ENOX1: variants seen among roughly 807,000 people sequenced by gnomAD.
ENOX1 encodes ecto-NOX disulfide-thiol exchanger 1.
In ENOX1, 42 loss-of-function variants were observed where a neutral mutation model predicts 82.5. The ratio of observed to expected loss-of-function variants is 0.51; its 90% CI spans 0.40 to 0.66. ENOX1 has a LOEUF of 0.66. Among genes scored for constraint, ENOX1 ranks in the 30% least tolerant of loss-of-function variants. ENOX1 has a pLI of 0.00. For missense variants in ENOX1, 608 were observed against 811.6 expected (o/e 0.75, Z 3.05); for synonymous variants, 271 against 282.2 (o/e 0.96, Z 0.40).
chr13:43,590,365 T>C (rs184607517), intron 2 of ENOX1, among the ~76,000 whole-genome samples: 23 of 151,820 alleles, frequency 1.5e-4, no homozygotes, highest in Admixed American at 1.5e-3. Flanking sequence ...TGATCGAAAA[T>C]GAGAAGGAAC....
At chr13:43,230,343 G>GAGC (rs2042223936) in intron 15 of ENOX1, among the ~76,000 whole-genome samples, 1 of 152,120 alleles carries the variant, frequency 6.6e-6, no homozygotes, top group Admixed American at 6.5e-5. Flanking sequence ...TGGTGACTGT[G>GAGC]AGCATAGTGC....
chr13:43,229,665 G>T (rs1035204616), intron 15 of ENOX1, among the ~76,000 whole-genome samples: 3 of 152,214 alleles, frequency 2.0e-5, no homozygotes, highest in African/African-American at 7.2e-5. Context: ...AGCAGAGGGG[G>T]AACTGGGAGG....
chr13:43,470,417 T>TATATAA (rs1189017192), intron 3 of ENOX1, among the ~76,000 whole-genome samples: 1 of 132,150 alleles, frequency 7.6e-6, no homozygotes, highest in African/African-American at 2.8e-5. Flanking sequence ...TATATATATA[T>TATATAA]AACAGAGATA....
At chr13:43,728,849 G>A (rs990030674) in intron 1 of ENOX1, among the ~76,000 whole-genome samples, 21 of 152,106 alleles carry the variant, frequency 1.4e-4, no homozygotes, top group Non-Finnish European at 1.9e-4. Flanking sequence ...TCAACCATGC[G>A]TATTTGTGAA....
At chr13:43,301,541 C>T (rs1367499417) in intron 11 of ENOX1, among the ~76,000 whole-genome samples, 1 of 141,446 alleles carries the variant, frequency 7.1e-6, no homozygotes, top group African/African-American at 2.6e-5. Context: ...AATGTGATAT[C>T]ATCATATTAA....
chr13:43,732,387 C>T (rs2089398666), intron 1 of ENOX1, among the ~76,000 whole-genome samples: 1 of 152,220 alleles, frequency 6.6e-6, no homozygotes, highest in Non-Finnish European at 1.5e-5. Flanking sequence ...AATATACTCT[C>T]AAATCCTCAT....
chr13:43,593,622 G>T (rs2081336032), intron 2 of ENOX1, among the ~76,000 whole-genome samples: 1 of 147,694 alleles, frequency 6.8e-6, no homozygotes, highest in East Asian at 2.0e-4. Context: ...GGTCCATTTG[G>T]ATTTGCAATT....
chr13:43,771,926 C>T (rs1052593878), intron 1 of ENOX1, among the ~76,000 whole-genome samples: 37 of 142,052 alleles, frequency 2.6e-4, no homozygotes, highest in African/African-American at 9.1e-4. Context: ...GCCACCACGC[C>T]CGGCTAATTT....
intron 15 of ENOX1, among the ~76,000 whole-genome samples, chr13:43,225,809 C>T (rs1250724025): frequency 6.6e-6 from 1 of 152,138 alleles, no homozygotes; most frequent in African/African-American, 2.4e-5. Context: ...TAGAGGATGA[C>T]AGTGAGATGG....
chr13:43,406,233 T>C (rs1199492446), intron 5 of ENOX1, among the ~76,000 whole-genome samples: 1 of 151,798 alleles, frequency 6.6e-6, no homozygotes, highest in African/African-American at 2.4e-5. Flanking sequence ...TGGGAGAGGG[T>C]AGTGAAGGGG....
chr13:43,379,872 C>T (rs2051908062), intron 5 of ENOX1, among the ~76,000 whole-genome samples: 1 of 151,608 alleles, frequency 6.6e-6, no homozygotes, highest in Admixed American at 6.6e-5. Context: ...AATGAAGTTA[C>T]TTAAAATCAA....
At chr13:43,577,047 T>C (rs1328065422) in intron 2 of ENOX1, among the ~76,000 whole-genome samples, 1 of 152,160 alleles carries the variant, frequency 6.6e-6, no homozygotes, top group South Asian at 2.1e-4. Context: ...TAATAAGAAG[T>C]GGTTGCCAGA....
At chr13:43,539,633 GA>G (rs1707945883) in intron 2 of ENOX1, among the ~76,000 whole-genome samples, 1 of 151,894 alleles carries the variant, frequency 6.6e-6, no homozygotes, top group Non-Finnish European at 1.5e-5. Flanking sequence ...ATGTATACTA[GA>G]AAAAAATGAT....
intron 2 of ENOX1, among the ~76,000 whole-genome samples, chr13:43,503,386 T>C (rs1199272705): frequency 6.6e-6 from 1 of 151,654 alleles, no homozygotes; most frequent in Non-Finnish European, 1.5e-5. Context: ...AAAAATACAA[T>C]CCTAAAACGT....
intron 14 of ENOX1, among the ~76,000 whole-genome samples, chr13:43,240,750 G>T (rs2042783179): frequency 6.6e-6 from 1 of 152,208 alleles, no homozygotes; most frequent in African/African-American, 2.4e-5. Flanking sequence ...AGTAGGATTA[G>T]CCAGGAAGTA....
intron 2 of ENOX1, among the ~76,000 whole-genome samples, chr13:43,485,754 G>A (rs2076389970): frequency 6.6e-6 from 1 of 152,186 alleles, no homozygotes; most frequent in Non-Finnish European, 1.5e-5. Context: ...TCATACACTA[G>A]CATTCTGTTT....
intron 8 of ENOX1, among the ~76,000 whole-genome samples, chr13:43,345,354 A>G (rs374929408): frequency 3.0e-4 from 45 of 152,334 alleles, no homozygotes; most frequent in African/African-American, 1.0e-3. Flanking sequence ...GCTGAAAAAT[A>G]GAATATTTCC....
chr13:43,248,641 A>T (rs906253070), intron 14 of ENOX1, among the ~76,000 whole-genome samples: 2 of 152,012 alleles, frequency 1.3e-5, no homozygotes, highest in Non-Finnish European at 2.9e-5. Flanking sequence ...CTTTTCCAAA[A>T]TATAAGACAT....
At chr13:43,235,348 G>T (rs958514753) in intron 15 of ENOX1, among the ~76,000 whole-genome samples, 14 of 152,174 alleles carry the variant, frequency 9.2e-5, no homozygotes, top group African/African-American at 3.4e-4. Flanking sequence ...ATGGACTCTG[G>T]ACTGTCTTTT....
Sources: gnomAD v4.1 joint callset for allele counts (sites outside exome capture counted in the v4.1 genomes callset) on GRCh38, gnomAD v4.1.1 for gene constraint, MANE v1.5 for transcripts, NCBI Gene and HGNC (gene_info 2026-07-23, HGNC 2026-07-21) for gene names.